The following NR3C2 variants were observed in gnomAD, a reference collection of about 807,000 sequenced individuals.
NR3C2 encodes the protein nuclear receptor subfamily 3 group C member 2.
Under a neutral mutation model 86.4 loss-of-function variants are expected in NR3C2, and 15 were observed. The ratio of observed to expected loss-of-function variants is 0.17; its 90% CI spans 0.12 to 0.27. NR3C2 has a LOEUF of 0.27. Ranked by LOEUF, NR3C2 falls within the 10% of genes least tolerant of loss-of-function variation. The pLI is 1.00. For synonymous variants in NR3C2, 458 were observed against 450.5 expected, an observed-to-expected ratio of 1.02 and a Z score of -0.21; for missense variants, 960 against 1,195.6, an observed-to-expected ratio of 0.80 and a Z score of 2.91.
At chr4:148,267,939 GTT>G (rs71594257) in intron 2 of NR3C2, among the ~76,000 whole-genome samples, 181 of 116,466 alleles carry the variant, frequency 1.6e-3, no homozygotes, top group African/African-American at 3.5e-3. Context: ...GAGTCACAGT[GTT>G]TTTTTTTTTT....
chr4:148,128,880 C>A (rs1321031689), intron 6 of NR3C2, among the ~76,000 whole-genome samples: 7 of 152,132 alleles, frequency 4.6e-5, no homozygotes, highest in East Asian at 1.9e-4. Flanking sequence ...AAGAAATAGC[C>A]CTTTGCAGAA....
At chr4:148,382,761 G>A (rs1369463159) in intron 2 of NR3C2, among the ~76,000 whole-genome samples, 2 of 152,094 alleles carry the variant, frequency 1.3e-5, no homozygotes, top group Non-Finnish European at 2.9e-5. Flanking sequence ...CTATGTGTAG[G>A]TTACCTACTG....
intron 2 of NR3C2, among the ~76,000 whole-genome samples, chr4:148,391,524 C>G (rs1000105769): frequency 6.6e-6 from 1 of 152,070 alleles, no homozygotes; most frequent in African/African-American, 2.4e-5. Context: ...CCAAATTTAG[C>G]AGAATGTTGA....
At chr4:148,135,874 G>A (rs966654644) in intron 6 of NR3C2, among the ~76,000 whole-genome samples, 13 of 150,246 alleles carry the variant, frequency 8.7e-5, no homozygotes, top group Non-Finnish European at 1.6e-4. Flanking sequence ...GGCTAAAAAC[G>A]GTGAAACCCC....
chr4:148,205,708 A>G lies in NR3C2; in HGVS notation c.1898-10846T>C, dbSNP rs990429501. Among the ~76,000 whole-genome samples, 8 of 152,380 alleles carry G rather than the reference A, an allele frequency of 5.3e-5. No homozygotes were observed. The East Asian group carries it at 1.5e-3, about 29-fold the overall frequency. ...CCTAAGCAAATTAAGCCCTGGGGCAAGAACGGCACATGAATAAGTGCTAAG... is the reference window on the plus strand; with the variant it reads ...CCTAAGCAAATTAAGCCCTGGGGCAGGAACGGCACATGAATAAGTGCTAAG... On this transcript the variant is annotated intron_variant, in intron 3 of 8. Transcript: ENST00000358102.
chr4:148,323,301 T>G (rs111360691), intron 2 of NR3C2, among the ~76,000 whole-genome samples: 41,052 of 143,330 alleles, frequency 0.29, 7,106 homozygotes, highest in East Asian at 0.58. Context: ...ACAGGGACAT[T>G]TAAGTCTGCA....
chr4:148,249,407 C>G (rs1320345360), intron 3 of NR3C2, among the ~76,000 whole-genome samples: 2 of 152,054 alleles, frequency 1.3e-5, no homozygotes, highest in Admixed American at 6.6e-5. Context: ...GAATTTATAT[C>G]AGACTTATCA....
At chr4:148,281,576 C>A (rs1428236514) in intron 2 of NR3C2, among the ~76,000 whole-genome samples, 1 of 152,176 alleles carries the variant, frequency 6.6e-6, no homozygotes, top group East Asian at 1.9e-4. Flanking sequence ...CTAAGATATA[C>A]CCTGTACTTT....
rs778126074 is a variant in NR3C2, at chr4:148,360,729, A to C, written c.1757+74375T>G. Among the ~76,000 whole-genome samples the C allele has an allele frequency of 3.5e-4, 54 of 152,220 alleles. 1 individual carries two copies. The highest frequency in any genetic ancestry group is 6.0e-4 in the Non-Finnish European group (41 of 68,044). On this transcript the variant is annotated intron_variant, in intron 2 of 8. Coordinates refer to ENST00000358102, the MANE Select transcript of NR3C2 (RefSeq NM_000901.5). Reference sequence around the variant, plus strand: ...ATTCACAGAGTAATTAACTGGGTTTATGAGAGAATTAATTAAAAATCTGTA... The same window carrying C: ...ATTCACAGAGTAATTAACTGGGTTTCTGAGAGAATTAATTAAAAATCTGTA...
chr4:148,412,819 G>GTGCA (rs1748772966), intron 2 of NR3C2, among the ~76,000 whole-genome samples: 2 of 45,802 alleles, frequency 4.4e-5, no homozygotes, highest in South Asian at 1.6e-3. Context: ...GTGCACATGT[G>GTGCA]CGCACACACA....
chr4:148,315,301 G>C (rs1481836181), intron 2 of NR3C2, among the ~76,000 whole-genome samples: 1 of 152,118 alleles, frequency 6.6e-6, no homozygotes, highest in African/African-American at 2.4e-5. Flanking sequence ...CACTGTGCCT[G>C]TACACACCTG....
intron 2 of NR3C2, among the ~76,000 whole-genome samples, chr4:148,385,711 G>A (rs1579235544): frequency 6.6e-6 from 1 of 152,210 alleles, no homozygotes; most frequent in East Asian, 1.9e-4. Flanking sequence ...TCTCCACAGA[G>A]GTCCTCCTCC....
chr4:148,194,890 TA>T, intron 3 of NR3C2, 28 bp from the exon 4 acceptor site: 2 of 1,443,166 alleles, frequency 1.4e-6, no homozygotes, highest in Non-Finnish European at 9.7e-7. Context: ...AAATAACTGT[TA>T]AAATAGAGTA....
At chr4:148,321,926 G>T (rs1743620929) in intron 2 of NR3C2, among the ~76,000 whole-genome samples, 1 of 152,130 alleles carries the variant, frequency 6.6e-6, no homozygotes, top group Admixed American at 6.5e-5. Context: ...TCATTATGAT[G>T]TTAGCTGGTT....
chr4:148,107,929 G>C (rs1324143047), intron 8 of NR3C2, among the ~76,000 whole-genome samples: 1 of 152,044 alleles, frequency 6.6e-6, no homozygotes, highest in Non-Finnish European at 1.5e-5. Flanking sequence ...TGGGTTGATA[G>C]GTGCAGCAAA....
chr4:148,282,853 C>T (rs556123846), intron 2 of NR3C2, among the ~76,000 whole-genome samples: 49 of 152,230 alleles, frequency 3.2e-4, no homozygotes, highest in Non-Finnish European at 6.6e-4. Context: ...ATAAGCAAAA[C>T]ATGGCATCAA....
chr4:148,208,943 G>A (rs1162693206), intron 3 of NR3C2: 1 of 152,096 alleles, frequency 6.6e-6, no homozygotes, highest in Non-Finnish European at 1.5e-5. Flanking sequence ...AGCTTTTCAT[G>A]AAGAATATGC....
chr4:148,302,984 A>G (rs910538080), intron 2 of NR3C2, among the ~76,000 whole-genome samples: 1 of 152,188 alleles, frequency 6.6e-6, no homozygotes, highest in African/African-American at 2.4e-5. Flanking sequence ...AACTTTAGAA[A>G]GTCCTATCTG....
At chr4:148,337,987 T>G (rs1472075455) in intron 2 of NR3C2, among the ~76,000 whole-genome samples, 1 of 152,174 alleles carries the variant, frequency 6.6e-6, no homozygotes, top group African/African-American at 2.4e-5. Flanking sequence ...TGATCCAGTG[T>G]AAGGTTTCCT....
Sources: allele counts gnomAD v4.1 joint callset (sites outside exome capture counted in the v4.1 genomes callset), GRCh38; gene constraint gnomAD v4.1.1; transcripts MANE v1.5; gene names NCBI Gene and HGNC (gene_info 2026-07-23, HGNC 2026-07-21).